Variants in FLT1 observed in about 807,000 individuals in gnomAD.
The protein encoded by FLT1 is fms related receptor tyrosine kinase 1.
A neutral mutation model predicts 156.3 loss-of-function variants in FLT1; 49 were observed. The ratio of observed to expected loss-of-function variants is 0.31; its 90% CI spans 0.25 to 0.40. The LOEUF (loss-of-function observed/expected upper bound fraction) is 0.40. Among genes scored for constraint, FLT1 ranks in the 10% least tolerant of loss-of-function variants. FLT1 has a pLI of 1.00. For missense variants in FLT1, 1,322 were observed against 1,637.2 expected, an observed-to-expected ratio of 0.81 and a Z score of 3.32; for synonymous variants, 594 against 583.8, an observed-to-expected ratio of 1.02 and a Z score of -0.25.
chr13:28,374,725 G>A (rs889191849), intron 14 of FLT1, among the ~76,000 whole-genome samples: 1 of 151,986 alleles, frequency 6.6e-6, no homozygotes, highest in Non-Finnish European at 1.5e-5. Context: ...GTGTTAGCCA[G>A]GATGGTCTCG....
chr13:28,357,823 C>T, intron 14 of FLT1, 138 bp from the exon 15 acceptor site: 2 of 615,922 alleles, frequency 3.2e-6, no homozygotes, highest in Non-Finnish European at 5.6e-6. Context: ...GGCAGGGTTG[C>T]TTATTTGTTT....
At position 28,363,979 on chromosome 13, in the gene FLT1, C is replaced by T. The variant is rs148139485; in HGVS notation, c.2117-6294G>A. On this transcript the variant is annotated intron_variant, in intron 14 of 29. Transcript: ENST00000282397. ...TGCTGTGGTTTTAATCTACATTTCC[C>T]TGATTACTAGCTAGGTGAAATATTT... 3.5e-3 allele frequency among the ~76,000 whole-genome samples: 538 copies of T among 152,222 alleles called. 2 individuals carry two copies. The highest frequency in any genetic ancestry group is 0.012 in the African/African-American group (513 of 41,542).
chr13:28,397,799 A>G (rs1029276590), intron 11 of FLT1, among the ~76,000 whole-genome samples: 1 of 147,988 alleles, frequency 6.8e-6, no homozygotes. Context: ...TGTGTAAATT[A>G]CCTAATTTCT....
At chr13:28,355,901 A>G (rs1423657338) in intron 15 of FLT1, among the ~76,000 whole-genome samples, 2 of 152,242 alleles carry the variant, frequency 1.3e-5, no homozygotes, top group Non-Finnish European at 2.9e-5. Flanking sequence ...AGTTTTAAGC[A>G]CACTGGCTTC....
intron 23 of FLT1, among the ~76,000 whole-genome samples, chr13:28,319,741 C>T (rs1871363340): frequency 1.3e-5 from 2 of 152,130 alleles, no homozygotes; most frequent in African/African-American, 2.4e-5. Flanking sequence ...CCCATGAAGG[C>T]AGTATATGTT....
chr13:28,414,187 C>T (rs1876506604), intron 10 of FLT1, among the ~76,000 whole-genome samples: 1 of 152,182 alleles, frequency 6.6e-6, no homozygotes, highest in Non-Finnish European at 1.5e-5. Flanking sequence ...TCTTGGATCT[C>T]AGTTCTCTGA....
At chr13:28,404,133 C>G (rs1295738708) in intron 11 of FLT1, among the ~76,000 whole-genome samples, 1 of 152,090 alleles carries the variant, frequency 6.6e-6, no homozygotes, top group Non-Finnish European at 1.5e-5. Context: ...AAACTGCTCT[C>G]TTATCAATAG....
rs1238611113 is a variant in FLT1 at position 28,308,883 on chromosome 13, G to A, written c.3680C>T (p.Thr1227Ile). 1 of 1,612,720 alleles carries A rather than the reference G, an allele frequency of 6.2e-7. No individual in the cohort carries two copies. Among genetic ancestry groups the A allele is most frequent in the Non-Finnish European group, 8.5e-7 (1 of 1,178,702 alleles). Residue 1227 changes from threonine (T) to isoleucine (I), a missense_variant, in exon 28 of 30, where the codon ACC becomes ATC. Transcript: ENST00000282397. ...FKFMSLERIK[T>I]FEELLPNATS... ...GGCATTCGGTAAAAGTTCTTCAAAG[G>A]TTTTGATTCTTTCCAGGCTCATGAA...
chr13:28,321,829 A>T (rs2138830526), intron 22 of FLT1, among the ~76,000 whole-genome samples: 1 of 152,390 alleles, frequency 6.6e-6, no homozygotes, highest in Non-Finnish European at 1.5e-5. Context: ...GAAGCTGGTT[A>T]TCTAAGATTT....
chr13:28,387,745 TACCC>T, intron 13 of FLT1: 2 of 1,024,278 alleles, frequency 2.0e-6, no homozygotes, highest in Non-Finnish European at 2.3e-6. Flanking sequence ...CCTCCCTTCA[TACCC>T]CAGGGTAACA....
At chr13:28,395,443 G>A (rs1251882618) in intron 12 of FLT1, among the ~76,000 whole-genome samples, 2 of 152,204 alleles carry the variant, frequency 1.3e-5, no homozygotes, top group Non-Finnish European at 2.9e-5. Flanking sequence ...TACTGTGTCA[G>A]AGGAACTGAA....
intron 24 of FLT1, among the ~76,000 whole-genome samples, chr13:28,318,510 G>A (rs1871297211): frequency 6.6e-6 from 1 of 152,180 alleles, no homozygotes; most frequent in Admixed American, 6.5e-5. Context: ...CTCAGCATTT[G>A]TTTGTGTGCA....
chr13:28,412,369 T>TTTCTTTCCTTCC lies in FLT1; in HGVS notation c.1437-6476_1437-6475insGGAAGGAAAGAA, dbSNP rs1566013041. Among the ~76,000 whole-genome samples, 31 of 83,174 alleles carry TTTCTTTCCTTCC rather than the reference T, an allele frequency of 3.7e-4. 1 individual carries two copies. The highest frequency in any genetic ancestry group is 1.1e-3 in the African/African-American group (31 of 29,408). The allele number at this position is 83,174 out of a possible 152,430, so 54.6% of individuals were successfully genotyped here. On this transcript the variant is annotated intron_variant, in intron 10 of 29. Coordinates refer to ENST00000282397, the MANE Select transcript of FLT1 (RefSeq NM_002019.4). ...TTCTTTCTCTTTCTTTCTTTCTTTCTTTCTTTCTTTCTTTCTTTCTTTCTT... is the reference window on the plus strand; with the variant it reads ...TTCTTTCTCTTTCTTTCTTTCTTTCTTTCTTTCCTTCCTTCTTTCTTTCTTTCTTTCTTTCTT...
chr13:28,328,850 G>C (rs1335152955), intron 19 of FLT1, among the ~76,000 whole-genome samples: 1 of 152,192 alleles, frequency 6.6e-6, no homozygotes, highest in East Asian at 1.9e-4. Context: ...TGCCACGACA[G>C]AGAACTTCAT....
intron 15 of FLT1, among the ~76,000 whole-genome samples, chr13:28,349,488 A>G (rs1308306039): frequency 6.6e-6 from 1 of 152,020 alleles, no homozygotes; most frequent in Non-Finnish European, 1.5e-5. Context: ...ACACACACGC[A>G]CACATTCTTG....
chr13:28,448,186 G>A (rs1466553642), intron 3 of FLT1, among the ~76,000 whole-genome samples: 2 of 152,220 alleles, frequency 1.3e-5, no homozygotes, highest in Admixed American at 6.5e-5. Flanking sequence ...ACCCACTTTG[G>A]AAAGCAGTCT....
At chr13:28,331,745 T>A (rs555394862) in intron 18 of FLT1, among the ~76,000 whole-genome samples, 49 of 152,174 alleles carry the variant, frequency 3.2e-4, no homozygotes, top group African/African-American at 1.1e-3. Flanking sequence ...TTTTTCTATC[T>A]CCCAGAATCA....
intron 17 of FLT1, among the ~76,000 whole-genome samples, chr13:28,336,550 C>T (rs926422810): frequency 8.5e-5 from 13 of 152,156 alleles, no homozygotes; most frequent in East Asian, 1.9e-4. Flanking sequence ...GCCCTGGACA[C>T]GCTGGGGAGA....
At chr13:28,468,805 C>A (rs1001689883) in intron 1 of FLT1, among the ~76,000 whole-genome samples, 3 of 152,184 alleles carry the variant, frequency 2.0e-5, no homozygotes, top group African/African-American at 4.8e-5. Flanking sequence ...GATGCTAGCA[C>A]CATGCTTGTA....
Sources: allele counts gnomAD v4.1 joint callset (sites outside exome capture counted in the v4.1 genomes callset), GRCh38; gene constraint gnomAD v4.1.1; transcripts MANE v1.5; gene names NCBI Gene and HGNC (gene_info 2026-07-23, HGNC 2026-07-21).